Variants in COL8A2 observed in about 807,000 individuals in gnomAD.
COL8A2 encodes the protein collagen type VIII alpha 2 chain.
A neutral mutation model predicts 24.0 loss-of-function variants in COL8A2; 16 were observed. That is an observed-to-expected ratio of 0.67 (90% confidence interval 0.45 to 1.01). The LOEUF is 1.01. Ranked by LOEUF, COL8A2 falls within the 50% of genes least tolerant of loss-of-function variation. The pLI, the probability that COL8A2 is intolerant of heterozygous loss-of-function variation, is 0.00. For missense variants in COL8A2, 818 were observed against 942.4 expected (o/e 0.87, Z 1.73); for synonymous variants, 466 against 424.5 (o/e 1.10, Z -1.20).
intron 2 of COL8A2, among the ~76,000 whole-genome samples, chr1:36,109,107 C>T (rs1161226414): frequency 6.6e-6 from 1 of 152,214 alleles, no homozygotes; most frequent in African/African-American, 2.4e-5. Context: ...CCCCCACCCA[C>T]CCCAGACAGA....
At position 36,097,661 on chromosome 1, in the gene COL8A2, A is replaced by G. The variant is rs763607342; in HGVS notation, c.2020T>C (p.Trp674Arg). The change falls in exon 4 of 4, where the codon TGG (tryptophan) becomes CGG (arginine). Residue 674 changes from tryptophan (W) to arginine (R), a missense_variant. Transcript: ENST00000397799. Reference protein sequence around the residue: ...VLQLRPNDQVWVQMPSDQANG... With the variant: ...VLQLRPNDQVRVQMPSDQANG... ...GCCTGGTCCGACGGCATCTGCACCC[A>G]GACCTGGTCGTTGGGCCGCAGCTGG... 1.2e-6 allele frequency: 2 copies of G among 1,613,656 alleles called. No individual in the cohort carries two copies. The highest frequency in any genetic ancestry group is 2.2e-5 in the South Asian group (2 of 91,088).
In COL8A2 at chr1:36,098,019, G is replaced by C; in HGVS notation, c.1662C>G (p.Ala554=). Residue 554 remains alanine (A), a synonymous_variant, in exon 4 of 4, where the codon GCC becomes GCG. Transcript: ENST00000397799. ...GTGGCTTGCCCCCCTTGCCCAGCACGGCACCCTCCACACCGCCGTTGGGCA... is the reference window on the plus strand; with the variant it reads ...GTGGCTTGCCCCCCTTGCCCAGCACCGCACCCTCCACACCGCCGTTGGGCA... ...LHLPNGGVEG[A]VLGKGGKPQF... The C allele has an allele frequency of 6.3e-7, 1 of 1,595,022 alleles. No individual in the cohort carries two copies.
intron 2 of COL8A2, among the ~76,000 whole-genome samples, chr1:36,100,552 CT>C (rs1478956786): frequency 6.6e-6 from 1 of 152,154 alleles, no homozygotes; most frequent in East Asian, 1.9e-4. Flanking sequence ...CAGTCACTCT[CT>C]GCAGCCGGGC....
At position 36,098,260 on chromosome 1, in the gene COL8A2, A is replaced by G. The variant is rs747875474; in HGVS notation, c.1421T>C (p.Ile474Thr). Residue 474 changes from isoleucine to threonine, a missense_variant, in exon 4 of 4, where the codon ATT becomes ACT. Physicochemically the swap from Ile to Thr is moderately conservative, Grantham distance 89. Transcript: ENST00000397799. ...CAGGCCCGGCAGGCCTTGGGGCCCAATAGGGCCAGCTGGACCCTGGAGTCC... is the reference window on the plus strand; with the variant it reads ...CAGGCCCGGCAGGCCTTGGGGCCCAGTAGGGCCAGCTGGACCCTGGAGTCC... Reference protein sequence around the residue: ...IPGLQGPAGPIGPQGLPGLKG... With the variant: ...IPGLQGPAGPTGPQGLPGLKG... 1.9e-6 allele frequency: 3 copies of G among 1,545,468 alleles called. No individual in the cohort carries two copies. The highest frequency in any genetic ancestry group is 2.5e-5 in the East Asian group (1 of 40,712).
intron 2 of COL8A2, among the ~76,000 whole-genome samples, chr1:36,103,994 G>A (rs1457541317): frequency 6.6e-6 from 1 of 151,116 alleles, no homozygotes; most frequent in Non-Finnish European, 1.5e-5. Flanking sequence ...AGGAGTTCAG[G>A]ACCAGCCTGG....
chr1:36,095,996 A>C lies in COL8A2; in HGVS notation c.*1573T>G, dbSNP rs1413672038. ...GGAGGAGGGTTGGCAAGGAACCTGA[A>C]GGAACCCACTGCTCAGCCAGTCAGA... On this transcript the variant is annotated 3_prime_UTR_variant, in exon 4 of 4. Coordinates refer to ENST00000397799, the MANE Select transcript of COL8A2 (RefSeq NM_005202.4). 6 of 152,222 alleles carry C rather than the reference A, an allele frequency of 3.9e-5. No individual in the cohort carries two copies. Among genetic ancestry groups the C allele is most frequent in the African/African-American group, 1.4e-4 (6 of 41,442 alleles). 9.4% of individuals were successfully genotyped at this position (152,222 alleles called of 1,614,324 possible).
At chr1:36,107,104 C>T (rs1457707242) in intron 2 of COL8A2, among the ~76,000 whole-genome samples, 1 of 152,138 alleles carries the variant, frequency 6.6e-6, no homozygotes, top group East Asian at 1.9e-4. Flanking sequence ...CAGAGAGGCC[C>T]GTTAAGAACC....
At chr1:36,110,416 TC>T (rs1301213263) in intron 2 of COL8A2, among the ~76,000 whole-genome samples, 2 of 152,130 alleles carry the variant, frequency 1.3e-5, no homozygotes, top group African/African-American at 4.8e-5. Flanking sequence ...CTTTCCTCCA[TC>T]TCTTCAAAAG....
chr1:36,103,290 T>C (rs755435115), intron 2 of COL8A2, among the ~76,000 whole-genome samples: 13 of 151,894 alleles, frequency 8.6e-5, no homozygotes, highest in Non-Finnish European at 1.5e-4. Flanking sequence ...TTTTGTTTTT[T>C]GAGACAGGGT....
chr1:36,098,478 C>T lies in COL8A2; in HGVS notation c.1203G>A (p.Leu401=). 1 of 1,577,944 alleles carries T rather than the reference C, an allele frequency of 6.3e-7. No homozygotes were observed. The highest frequency in any genetic ancestry group is 8.6e-7 in the Non-Finnish European group (1 of 1,162,394). The change falls in exon 4 of 4, where the codon CTG becomes CTA. Residue 401 remains leucine, a synonymous_variant. Transcript: ENST00000397799. ...GIRGDQGPSG[L]AGKPGVPGER... is the part of the protein sequence containing the mutation. Reference sequence around the variant, plus strand: ...CACCTGGGACCCCTGGTTTCCCAGCCAGGCCACTAGGCCCCTGGTCACCTC... The same window carrying T: ...CACCTGGGACCCCTGGTTTCCCAGCTAGGCCACTAGGCCCCTGGTCACCTC...
chr1:36,115,615 G>A lies in COL8A2; in HGVS notation c.-17+93C>T, dbSNP rs746264554. On this transcript the variant is annotated intron_variant, in intron 2 of 3. Coordinates refer to ENST00000397799, the MANE Select transcript of COL8A2 (RefSeq NM_005202.4). The surrounding 1 kb of genome is among the most constrained non-coding windows in gnomAD (Gnocchi z 5.7). ...CTCTCTGGGCCTGGGAGGGGCTTCC[G>A]GTGCAGCAGGAGGGAGTGAGGTTAG... The A allele has an allele frequency of 4.5e-5, 33 of 725,404 alleles. No individual in the cohort carries two copies. Among genetic ancestry groups the A allele is most frequent in the South Asian group, 1.9e-4 (3 of 16,178 alleles). The allele number at this position is 725,404 out of a possible 1,614,324, so 44.9% of individuals were successfully genotyped here. A position where few individuals can be genotyped will look rare whatever the true frequency, so the allele number is the denominator to read the frequency against.
chr1:36,101,049 A>G (rs977865874), intron 2 of COL8A2, among the ~76,000 whole-genome samples: 1 of 151,964 alleles, frequency 6.6e-6, no homozygotes, highest in Non-Finnish European at 1.5e-5. Context: ...GTGTGCCACC[A>G]CGCCTGGCTA....
At chr1:36,107,173 G>A (rs190062822) in intron 2 of COL8A2, among the ~76,000 whole-genome samples, 6 of 152,310 alleles carry the variant, frequency 3.9e-5, no homozygotes, top group African/African-American at 9.6e-5. Flanking sequence ...GGGAGGCTGC[G>A]ACGGGAGGAT....
Position 36,098,220 on chromosome 1 carries a change from G to T in COL8A2, c.1461C>A (p.Gly487=). The change falls in exon 4 of 4, where the codon GGC becomes GGA. Residue 487 remains glycine (G), a synonymous_variant. Transcript: ENST00000397799. ...QGLPGLKGEP[G]LPGPPGEGRA... The stretch of plus-strand genomic sequence containing the variant: ...TCCCCTCTCCAGGGGGCCCTGGCAG[G>T]CCTGGTTCCCCCTTCAGGCCCGGCA... 2 of 1,541,560 alleles carry T rather than the reference G, an allele frequency of 1.3e-6. No individual in the cohort carries two copies.
At chr1:36,120,795 G>GGAAA (rs1317641899) in intron 1 of COL8A2, among the ~76,000 whole-genome samples, 4 of 147,608 alleles carry the variant, frequency 2.7e-5, no homozygotes, top group African/African-American at 1.0e-4. Context: ...AAGGAAGGAA[G>GGAAA]GAAGGAAGAA....
At chr1:36,108,935 C>T (rs1643799275) in intron 2 of COL8A2, among the ~76,000 whole-genome samples, 1 of 152,166 alleles carries the variant, frequency 6.6e-6, no homozygotes, top group African/African-American at 2.4e-5. Flanking sequence ...ACTCTCCCAT[C>T]CCATTTCACA....
At chr1:36,118,803 T>A (rs1469016929) in intron 1 of COL8A2, among the ~76,000 whole-genome samples, 1 of 152,148 alleles carries the variant, frequency 6.6e-6, no homozygotes, top group Non-Finnish European at 1.5e-5. Context: ...GGTGAACAAT[T>A]GGCTCCTGCC....
chr1:36,110,427 G>C (rs1428683189), intron 2 of COL8A2, among the ~76,000 whole-genome samples: 2 of 152,110 alleles, frequency 1.3e-5, no homozygotes, highest in African/African-American at 4.8e-5. Context: ...CTCTTCAAAA[G>C]CTCAGGTTAC....
At position 36,098,751 on chromosome 1, in the gene COL8A2, T is replaced by G; in HGVS notation, c.930A>C (p.Ile310=). ...CTGGCATCCCATAGCCAGTGGGGCC[T>G]ATCAGCCCAGGGGGGCCCCGGGTCC... is the stretch of plus-strand genomic sequence containing the variant. ...EPGTRGPPGL[I]GPTGYGMPGL... The change falls in exon 4 of 4, where the codon ATA becomes ATC. Residue 310 remains isoleucine (I), a synonymous_variant. Coordinates refer to ENST00000397799, the MANE Select transcript of COL8A2 (RefSeq NM_005202.4). 3 of 1,610,960 alleles carry G rather than the reference T, an allele frequency of 1.9e-6. No homozygotes were observed. The highest frequency in any genetic ancestry group is 2.5e-6 in the Non-Finnish European group (3 of 1,179,326).
Sources: allele counts gnomAD v4.1 joint callset (sites outside exome capture counted in the v4.1 genomes callset), GRCh38; gene constraint gnomAD v4.1.1; non-coding constraint Gnocchi (gnomAD v3.1); transcripts MANE v1.5; gene names NCBI Gene and HGNC (gene_info 2026-07-23, HGNC 2026-07-21).